The following CDH5 variants were observed in gnomAD, a reference collection of about 807,000 sequenced individuals.
The protein encoded by CDH5 is cadherin-5.
CDH5 carries 28 observed loss-of-function variants against 62.0 expected under a neutral mutation model. The ratio of observed to expected loss-of-function variants is 0.45; its 90% CI spans 0.33 to 0.62. The LOEUF (loss-of-function observed/expected upper bound fraction) is 0.62. CDH5 is among the 20% of genes least tolerant of loss of function. The pLI, the probability that CDH5 is intolerant of heterozygous loss-of-function variation, is 0.02. For missense variants in CDH5, 940 were observed against 1,065.1 expected (o/e 0.88, Z 1.63); for synonymous variants, 464 against 445.8 (o/e 1.04, Z -0.52).
At chr16:66,392,087 C>G in intron 6 of CDH5, 49 bp from the exon 7 acceptor site, 4 of 1,610,458 alleles carry the variant, frequency 2.5e-6, no homozygotes, top group Non-Finnish European at 3.4e-6. Context: ...ATGTGCCACA[C>G]ACATGCTTGG....
intron 5 of CDH5, 39 bp downstream of exon 5, chr16:66,389,561 G>A (rs1961047032): frequency 1.7e-5 from 25 of 1,490,726 alleles, no homozygotes; most frequent in South Asian, 2.7e-5. Flanking sequence ...GGGGGGCTGG[G>A]ATACCCCAGA....
At position 66,391,716 on chromosome 16, in the gene CDH5, T is replaced by G. The variant is rs562201755; in HGVS notation, c.970-420T>G. On this transcript the variant is annotated intron_variant, in intron 6 of 11. Coordinates refer to ENST00000341529, the MANE Select transcript of CDH5 (RefSeq NM_001795.5). ...TGAACCTGGGAGGTGGAAGTTGTAG[T>G]GAGCGGAGGTCGTGCCATTGCACTC... Among the ~76,000 whole-genome samples the G allele has an allele frequency of 2.6e-5, 4 of 152,288 alleles. No homozygotes were observed. In the South Asian group the frequency reaches 8.3e-4, roughly 32 times the overall value.
In CDH5 at chr16:66,398,115, G is replaced by T; in HGVS notation, c.1485+9G>T. 3 of 1,614,224 alleles carry T rather than the reference G, an allele frequency of 1.9e-6. No individual in the cohort carries two copies. Among genetic ancestry groups the T allele is most frequent in the Non-Finnish European group, 1.7e-6 (2 of 1,180,042 alleles). ...ACGCTGTCCATGGCCAGGTGAGTCT[G>T]GTTCAGGTGGGAGGGGAAGGCAGCA... On this transcript the variant is annotated intron_variant, in intron 9 of 11. Coordinates refer to ENST00000341529, the MANE Select transcript of CDH5 (RefSeq NM_001795.5).
At chr16:66,381,495 T>C (rs1960897860) in intron 2 of CDH5, among the ~76,000 whole-genome samples, 2 of 152,220 alleles carry the variant, frequency 1.3e-5, no homozygotes, top group Non-Finnish European at 2.9e-5. Flanking sequence ...ATGGACCGTG[T>C]GCTTTCAGAG....
chr16:66,377,043 T>G (rs1233825517), intron 1 of CDH5, among the ~76,000 whole-genome samples: 3 of 152,204 alleles, frequency 2.0e-5, no homozygotes, highest in African/African-American at 7.2e-5. Context: ...TTGTCATCTT[T>G]GAGTCACTTC....
intron 1 of CDH5, among the ~76,000 whole-genome samples, chr16:66,378,641 G>C (rs904676450): frequency 2.0e-5 from 3 of 152,202 alleles, no homozygotes; most frequent in Admixed American, 6.5e-5. Flanking sequence ...TGGGGACTTA[G>C]GAGCTGCCAT....
chr16:66,397,433 G>C lies in CDH5; in HGVS notation c.1361-549G>C, dbSNP rs563813078. Among the ~76,000 whole-genome samples, 15 of 152,168 alleles carry C rather than the reference G, an allele frequency of 9.9e-5. No homozygotes were observed. The South Asian group carries it at 1.0e-3, about 11-fold the overall frequency. ...GATGGGGTCTCACCATGTTTCCCAG[G>C]CTTGTCTCCAACTCTGGGCCCCAAG... On this transcript the variant is annotated intron_variant, in intron 8 of 11. Transcript: ENST00000341529.
intron 1 of CDH5, 143 bp downstream of exon 1, chr16:66,366,901 T>C (rs1382496312): frequency 6.6e-6 from 1 of 152,320 alleles, no homozygotes; most frequent in Non-Finnish European, 1.5e-5. Context: ...ACGCTGGGCC[T>C]CCTCGTGGCT....
chr16:66,374,444 T>A (rs933538784), intron 1 of CDH5, among the ~76,000 whole-genome samples: 8 of 152,164 alleles, frequency 5.3e-5, no homozygotes, highest in African/African-American at 1.9e-4. Context: ...CTCAGCCCTG[T>A]CAGAGGGAAG....
At chr16:66,374,581 GC>G (rs1238397990) in intron 1 of CDH5, among the ~76,000 whole-genome samples, 1 of 152,136 alleles carries the variant, frequency 6.6e-6, no homozygotes, top group African/African-American at 2.4e-5. Flanking sequence ...GTTATGTGGG[GC>G]CAGACAAAGC....
intron 8 of CDH5, 40 bp downstream of exon 8, chr16:66,396,241 C>T (rs770364914): frequency 1.2e-6 from 2 of 1,611,940 alleles, no homozygotes; most frequent in Non-Finnish European, 1.7e-6. Context: ...GATTCTTTTC[C>T]TTTTCCCTCA....
intron 4 of CDH5, 79 bp from the exon 5 acceptor site, chr16:66,389,279 G>C (rs1398774244): frequency 7.0e-7 from 1 of 1,424,494 alleles, no homozygotes; most frequent in Non-Finnish European, 9.6e-7. Flanking sequence ...TCTTAAGTCA[G>C]GTTCTCTCTG....
Position 66,398,534 on chromosome 16 carries a change from A to T in CDH5, c.1564A>T (p.Asn522Tyr). Residue 522 changes from asparagine to tyrosine, a missense_variant, in exon 10 of 12, where the codon AAC becomes TAC. Transcript: ENST00000341529. ...GTTCAAATTCATCTTGAATACTGAG[A>T]ACAACTTTACCCTCACGGATAATCA... Reference protein sequence around the residue: ...VKFKFILNTENNFTLTDNHDN... With the variant: ...VKFKFILNTEYNFTLTDNHDN... 6.3e-7 allele frequency: 1 copy of T among 1,590,664 alleles called. No individual in the cohort carries two copies. The highest frequency in any genetic ancestry group is 1.3e-5 in the African/African-American group (1 of 74,602).
Position 66,400,901 on chromosome 16 carries a change from C to G in CDH5, c.1722C>G (p.Ala574=). The change falls in exon 11 of 12, where the codon GCC becomes GCG. Residue 574 remains alanine (A), a synonymous_variant. Coordinates refer to ENST00000341529, the MANE Select transcript of CDH5 (RefSeq NM_001795.5). ...CGGGCACCAGCACGCTGACCGTGGC[C>G]GTGTGCAAGTGCAACGAGCAGGGCG... ...SRTGTSTLTV[A]VCKCNEQGEF... The G allele has an allele frequency of 1.2e-6, 2 of 1,614,174 alleles. No individual in the cohort carries two copies. The highest frequency in any genetic ancestry group is 1.7e-6 in the Non-Finnish European group (2 of 1,180,048).
At chr16:66,399,768 A>G (rs1054278246) in intron 10 of CDH5, among the ~76,000 whole-genome samples, 5 of 152,256 alleles carry the variant, frequency 3.3e-5, no homozygotes, top group African/African-American at 4.8e-5. Flanking sequence ...TTGGTGTCAA[A>G]TTCACTTATA....
chr16:66,401,000 C>T lies in CDH5; in HGVS notation c.1821C>T (p.Cys607=), dbSNP rs1351077378. 6.2e-7 allele frequency: 1 copy of T among 1,613,936 alleles called. No individual in the cohort carries two copies. Among genetic ancestry groups the T allele is most frequent in the African/African-American group, 1.3e-5 (1 of 74,950 alleles). Residue 607 remains cysteine (C), a synonymous_variant, in exon 11 of 12, where the codon TGC becomes TGT. Coordinates refer to ENST00000341529, the MANE Select transcript of CDH5 (RefSeq NM_001795.5). ...AGGCAGTGGTAGCCATCTTACTCTG[C>T]ATCCTCACCATCACAGGTCAGTGCT... ...SIQAVVAILL[C]ILTITVITLL...
chr16:66,398,435 C>T, intron 9 of CDH5, 21 bp from the exon 10 acceptor site: 1 of 1,471,680 alleles, frequency 6.8e-7, no homozygotes, highest in South Asian at 1.1e-5. Context: ...CACTGACCAT[C>T]TCCTGTCTTC....
At chr16:66,390,282 A>C (rs979875274) in intron 5 of CDH5, 121 bp from the exon 6 acceptor site, 1 of 721,524 alleles carries the variant, frequency 1.4e-6, no homozygotes, top group African/African-American at 1.8e-5. Flanking sequence ...GGGTATTATT[A>C]TTTATGATTA....
chr16:66,402,961 C>T lies in CDH5; in HGVS notation c.2147C>T (p.Ala716Val), dbSNP rs760421733. The T allele has an allele frequency of 6.8e-6, 11 of 1,612,658 alleles. No individual in the cohort carries two copies. Among genetic ancestry groups the T allele is most frequent in the Admixed American group, 1.7e-5 (1 of 59,986 alleles). The change falls in exon 12 of 12, where the codon GCG becomes GTG. Residue 716 changes from alanine (A) to valine (V), a missense_variant. Transcript: ENST00000341529. ...ATGATCGAGGTGAAGAAGGACGAGGCGGACCACGACGGCGACGGCCCCCCC... is the reference window on the plus strand; with the variant it reads ...ATGATCGAGGTGAAGAAGGACGAGGTGGACCACGACGGCGACGGCCCCCCC... Reference protein sequence around the residue: ...AAMIEVKKDEADHDGDGPPYD... With the variant: ...AAMIEVKKDEVDHDGDGPPYD...
Sources: gnomAD v4.1 joint callset for allele counts (sites outside exome capture counted in the v4.1 genomes callset) on GRCh38, gnomAD v4.1.1 for gene constraint, MANE v1.5 for transcripts, NCBI Gene and HGNC (gene_info 2026-07-23, HGNC 2026-07-21) for gene names.